Variants in IGF2BP3 observed in about 807,000 individuals in gnomAD.
The protein encoded by IGF2BP3 is insulin like growth factor 2 mRNA binding protein 3, also known as insulin-like growth factor 2 mRNA-binding protein 3.
Under a neutral mutation model 73.8 loss-of-function variants are expected in IGF2BP3, and 9 were observed. That is an observed-to-expected ratio of 0.12 (90% CI 0.07 to 0.21). The LOEUF is 0.21. Ranked by LOEUF, IGF2BP3 falls within the 10% of genes least tolerant of loss-of-function variation. The pLI is 1.00. For synonymous variants in IGF2BP3, 258 were observed against 256.7 expected (o/e 1.01, Z -0.05); for missense variants, 542 against 714.0 (o/e 0.76, Z 2.75).
chr7:23,318,184 G>A (rs557025723), intron 11 of IGF2BP3, among the ~76,000 whole-genome samples: 1 of 152,142 alleles, frequency 6.6e-6, no homozygotes, highest in East Asian at 1.9e-4. Flanking sequence ...ACACACTCTA[G>A]GAATCTCTGT....
At chr7:23,346,960 G>A (rs910833547) in intron 7 of IGF2BP3, among the ~76,000 whole-genome samples, 3 of 151,854 alleles carry the variant, frequency 2.0e-5, no homozygotes, top group African/African-American at 7.3e-5. Context: ...TTATGATATG[G>A]CACCCACATA....
chr7:23,413,088 G>A (rs1787080240), intron 3 of IGF2BP3, among the ~76,000 whole-genome samples: 1 of 151,172 alleles, frequency 6.6e-6, no homozygotes, highest in Admixed American at 6.6e-5. Flanking sequence ...TCGATCTCCT[G>A]ACCTCAAGTG....
chr7:23,322,681 G>A (rs933880896), intron 10 of IGF2BP3, among the ~76,000 whole-genome samples: 10 of 152,110 alleles, frequency 6.6e-5, no homozygotes, highest in African/African-American at 1.2e-4. Context: ...GAAAGGTCGG[G>A]TTACCCACAA....
chr7:23,335,741 T>C (rs1220354133), intron 10 of IGF2BP3, among the ~76,000 whole-genome samples: 2 of 152,218 alleles, frequency 1.3e-5, no homozygotes, highest in African/African-American at 2.4e-5. Flanking sequence ...TTGGGATTAC[T>C]TCTGCCAATC....
At chr7:23,356,609 T>C (rs1785103105) in intron 5 of IGF2BP3, among the ~76,000 whole-genome samples, 1 of 152,160 alleles carries the variant, frequency 6.6e-6, no homozygotes, top group Admixed American at 6.6e-5. Context: ...AAAAATCTCT[T>C]CTTTTTTATT....
intron 2 of IGF2BP3, among the ~76,000 whole-genome samples, chr7:23,445,549 T>C (rs1423889186): frequency 2.0e-5 from 3 of 152,154 alleles, no homozygotes; most frequent in African/African-American, 7.2e-5. Context: ...TGTGGGTGTT[T>C]TGTACACAGA....
intron 2 of IGF2BP3, among the ~76,000 whole-genome samples, chr7:23,439,379 C>T (rs1004744797): frequency 6.6e-6 from 1 of 151,354 alleles, no homozygotes; most frequent in African/African-American, 2.4e-5. Context: ...ACGGTGAAAC[C>T]CCACCTACTA....
At chr7:23,405,424 C>T (rs1304225829) in intron 3 of IGF2BP3, among the ~76,000 whole-genome samples, 1 of 152,014 alleles carries the variant, frequency 6.6e-6, no homozygotes, top group Non-Finnish European at 1.5e-5. Flanking sequence ...CTTTTTTTCC[C>T]TCTGCTATGC....
At chr7:23,387,506 TTTAA>T (rs1444561845) in intron 3 of IGF2BP3, among the ~76,000 whole-genome samples, 1 of 149,826 alleles carries the variant, frequency 6.7e-6, no homozygotes, top group Non-Finnish European at 1.5e-5. Context: ...AATTTGGTTC[TTTAA>T]TTGTGACAAA....
chr7:23,315,419 G>C (rs1051692587), intron 12 of IGF2BP3, among the ~76,000 whole-genome samples: 1 of 152,004 alleles, frequency 6.6e-6, no homozygotes, highest in Non-Finnish European at 1.5e-5. Flanking sequence ...AGACACTTCT[G>C]ATATTTAGAG....
At chr7:23,380,730 G>C (rs1326047532) in intron 3 of IGF2BP3, among the ~76,000 whole-genome samples, 1 of 152,168 alleles carries the variant, frequency 6.6e-6, no homozygotes, top group Non-Finnish European at 1.5e-5. Flanking sequence ...ATCCTTTTAA[G>C]AGGGAAATTT....
intron 2 of IGF2BP3, among the ~76,000 whole-genome samples, chr7:23,448,796 A>AT (rs150238160): frequency 5.0e-4 from 76 of 151,952 alleles, no homozygotes; most frequent in African/African-American, 1.8e-3. Context: ...CACCTGGCTA[A>AT]TTTTTTTGTA....
chr7:23,368,280 C>T (rs1383500956), intron 3 of IGF2BP3, among the ~76,000 whole-genome samples: 2 of 145,900 alleles, frequency 1.4e-5, no homozygotes, highest in Non-Finnish European at 3.0e-5. Context: ...ATTATGGTTA[C>T]CTTGTTAGTA....
intron 2 of IGF2BP3, among the ~76,000 whole-genome samples, chr7:23,463,978 T>G (rs1788507038): frequency 6.6e-6 from 1 of 152,228 alleles, no homozygotes; most frequent in Admixed American, 6.5e-5. Flanking sequence ...CTCAAGTCTC[T>G]GCATGTGTGA....
chr7:23,318,869 G>C lies in IGF2BP3; in HGVS notation c.1320+269C>G, dbSNP rs543605155. 1.5e-4 allele frequency among the ~76,000 whole-genome samples: 23 copies of C among 152,298 alleles called. No individual in the cohort carries two copies. The South Asian group carries it at 2.9e-3, about 19-fold the overall frequency. ...ACCAAGAGGGACCAAGGCCGTACCT[G>C]GGGAAGGTGGCTTGGAAGGAACTTA... On this transcript the variant is annotated intron_variant, in intron 11 of 14. Transcript: ENST00000258729.
Position 23,470,240 on chromosome 7 carries a change from A to AT in IGF2BP3, c.-131_-130insA, listed in dbSNP as rs1427810441. The stretch of plus-strand genomic sequence containing the variant: ...GCCTTTAAAATACACAAACACAGTA[A>AT]GAACCAAGCACAAGAACGAGGAGTG... On this transcript the variant is annotated 5_prime_UTR_variant, in exon 1 of 15. Coordinates refer to ENST00000258729, the MANE Select transcript of IGF2BP3 (RefSeq NM_006547.3). The AT allele has an allele frequency of 7.5e-6, 5 of 665,142 alleles. No homozygotes were observed. In the South Asian group the frequency reaches 1.1e-4, roughly 15 times the overall value. 41.2% of individuals were successfully genotyped at this position (665,142 alleles called of 1,614,324 possible).
intron 3 of IGF2BP3, among the ~76,000 whole-genome samples, chr7:23,370,276 T>C (rs1031563866): frequency 5.9e-5 from 9 of 152,246 alleles, no homozygotes; most frequent in African/African-American, 2.2e-4. Context: ...ACCATAGTGA[T>C]GTGATTGTCA....
intron 3 of IGF2BP3, among the ~76,000 whole-genome samples, chr7:23,368,343 A>AAAAGAAAAAAAG (rs1785444358): frequency 7.3e-6 from 1 of 137,924 alleles, no homozygotes; most frequent in Non-Finnish European, 1.5e-5. Flanking sequence ...AAGAAAGAAA[A>AAAAGAAAAAAAG]AAAGAAAGAA....
chr7:23,365,262 G>A (rs939831115), intron 3 of IGF2BP3, among the ~76,000 whole-genome samples: 8 of 152,196 alleles, frequency 5.3e-5, no homozygotes, highest in Non-Finnish European at 1.2e-4. Context: ...TCAGGGAGTA[G>A]GAAGTAATTG....
Sources: gnomAD v4.1 joint callset for allele counts (sites outside exome capture counted in the v4.1 genomes callset) on GRCh38, gnomAD v4.1.1 for gene constraint, MANE v1.5 for transcripts, NCBI Gene and HGNC (gene_info 2026-07-23, HGNC 2026-07-21) for gene names.